Variants in FAM193A observed in about 807,000 individuals in gnomAD.
FAM193A encodes protein FAM193A.
A neutral mutation model predicts 126.5 loss-of-function variants in FAM193A; 22 were observed. The ratio of observed to expected loss-of-function variants is 0.17; its 90% confidence interval spans 0.12 to 0.25. FAM193A has a LOEUF of 0.25. FAM193A is among the 10% of genes least tolerant of loss of function. FAM193A has a pLI of 1.00. For missense variants in FAM193A, 1,675 were observed against 1,672.8 expected (o/e 1.00, Z -0.02); for synonymous variants, 761 against 646.8 (o/e 1.18, Z -2.68).
At chr4:2,698,025 G>A (rs1717236085) in intron 18 of FAM193A, among the ~76,000 whole-genome samples, 4 of 152,192 alleles carry the variant, frequency 2.6e-5, no homozygotes, top group Admixed American at 2.6e-4. Flanking sequence ...GATGTCATAG[G>A]CCCTGCCCAG....
At chr4:2,715,384 G>A (rs1577261590) in intron 19 of FAM193A, 1 of 391,838 alleles carries the variant, frequency 2.6e-6, no homozygotes, top group South Asian at 1.0e-4. Flanking sequence ...GATTACTTGA[G>A]CCTGGAAGAT....
At chr4:2,608,443 C>T (rs1741673056) in intron 2 of FAM193A, among the ~76,000 whole-genome samples, 1 of 152,018 alleles carries the variant, frequency 6.6e-6, no homozygotes, top group Non-Finnish European at 1.5e-5. Flanking sequence ...CCTGGCTGGA[C>T]CTCAGATGAT....
intron 7 of FAM193A, among the ~76,000 whole-genome samples, chr4:2,657,160 T>A (rs1711798924): frequency 6.6e-6 from 1 of 152,164 alleles, no homozygotes; most frequent in African/African-American, 2.4e-5. Context: ...ATAGCGAGAC[T>A]CAGTCTCAAA....
At chr4:2,614,909 T>A (rs1742090542) in intron 2 of FAM193A, among the ~76,000 whole-genome samples, 1 of 152,234 alleles carries the variant, frequency 6.6e-6, no homozygotes, top group African/African-American at 2.4e-5. Context: ...CTTTTTAATT[T>A]CCATAGGATC....
intron 1 of FAM193A, among the ~76,000 whole-genome samples, chr4:2,550,773 T>A (rs1175783366): frequency 4.5e-4 from 1 of 2,206 alleles, no homozygotes; most frequent in Non-Finnish European, 8.4e-4. Flanking sequence ...ATTTATATTT[T>A]TATTTATTTA....
chr4:2,722,237 C>T (rs75807625), intron 20 of FAM193A, among the ~76,000 whole-genome samples: 2,604 of 152,188 alleles, frequency 0.017, 28 homozygotes, highest in South Asian at 0.043. Context: ...GCATGTCTCA[C>T]GTAGTCTGCA....
At chr4:2,605,263 A>C in intron 2 of FAM193A, among the ~76,000 whole-genome samples, 1 of 152,172 alleles carries the variant, frequency 6.6e-6, no homozygotes, top group East Asian at 1.9e-4. Flanking sequence ...ACCCTCTTGC[A>C]GCAAGTTCAC....
At chr4:2,703,509 A>T (rs1206210524) in intron 19 of FAM193A, among the ~76,000 whole-genome samples, 4 of 152,192 alleles carry the variant, frequency 2.6e-5, no homozygotes, top group Non-Finnish European at 4.4e-5. Flanking sequence ...GGCCTCCCAA[A>T]GTGCTGGGAT....
chr4:2,570,739 G>GA (rs1442312087), intron 1 of FAM193A, among the ~76,000 whole-genome samples: 1 of 152,122 alleles, frequency 6.6e-6, no homozygotes, highest in Non-Finnish European at 1.5e-5. Flanking sequence ...AGGCCTTGGT[G>GA]AGCTCCTCCT....
intron 19 of FAM193A, among the ~76,000 whole-genome samples, chr4:2,708,903 G>T (rs755133194): frequency 1.4e-4 from 22 of 151,802 alleles, no homozygotes; most frequent in Non-Finnish European, 2.9e-5. Context: ...CAATTCTTAC[G>T]CCTCTAATTG....
intron 19 of FAM193A, among the ~76,000 whole-genome samples, chr4:2,710,161 GT>G (rs796903801): frequency 0.21 from 19,071 of 92,558 alleles, 684 homozygotes; most frequent in East Asian, 0.24. Flanking sequence ...TTCTTCTTTT[GT>G]TTTTTTTTTT....
intron 15 of FAM193A, among the ~76,000 whole-genome samples, chr4:2,692,156 G>C (rs1453103236): frequency 6.6e-6 from 1 of 152,182 alleles, no homozygotes; most frequent in Admixed American, 6.5e-5. Flanking sequence ...ATAAAGGAAA[G>C]AGTTTTAATT....
intron 19 of FAM193A, among the ~76,000 whole-genome samples, chr4:2,702,859 A>G (rs1717892948): frequency 6.6e-6 from 1 of 152,136 alleles, no homozygotes; most frequent in Non-Finnish European, 1.5e-5. Flanking sequence ...TTTACAAATG[A>G]CTTAAATTAG....
intron 7 of FAM193A, among the ~76,000 whole-genome samples, chr4:2,657,540 G>T (rs1486343436): frequency 6.6e-6 from 1 of 152,174 alleles, no homozygotes; most frequent in Non-Finnish European, 1.5e-5. Context: ...TGTATTGACA[G>T]ATTTAGTCAG....
At chr4:2,679,945 C>T (rs141753493) in intron 13 of FAM193A, among the ~76,000 whole-genome samples, 32 of 151,376 alleles carry the variant, frequency 2.1e-4, no homozygotes, top group East Asian at 1.9e-3. Context: ...CTGCAACCTC[C>T]GCCTCTCAGA....
chr4:2,574,481 A>T (rs1223782711), intron 1 of FAM193A, among the ~76,000 whole-genome samples: 1 of 152,188 alleles, frequency 6.6e-6, no homozygotes, highest in East Asian at 1.9e-4. Context: ...GGGATATGTG[A>T]ATTAGGCAAT....
At chr4:2,594,195 A>G (rs1740720647) in intron 1 of FAM193A, among the ~76,000 whole-genome samples, 1 of 152,120 alleles carries the variant, frequency 6.6e-6, no homozygotes, top group South Asian at 2.1e-4. Context: ...TAATTCATTC[A>G]TTTATACATT....
chr4:2,562,489 T>C (rs1216906759), intron 1 of FAM193A, among the ~76,000 whole-genome samples: 1 of 152,102 alleles, frequency 6.6e-6, no homozygotes, highest in East Asian at 1.9e-4. Flanking sequence ...TTCACCCCTT[T>C]CAAGAGTCTC....
chr4:2,695,208 T>C, intron 17 of FAM193A, 79 bp downstream of exon 17: 1 of 1,284,048 alleles, frequency 7.8e-7, no homozygotes, highest in South Asian at 1.6e-5. Context: ...CTGTACTAGG[T>C]TGAATTCGGG....
Sources: gnomAD v4.1 joint callset for allele counts (sites outside exome capture counted in the v4.1 genomes callset) on GRCh38, gnomAD v4.1.1 for gene constraint, MANE v1.5 for transcripts, NCBI Gene and HGNC (gene_info 2026-07-23, HGNC 2026-07-21) for gene names.